Variants in CDKAL1 observed in about 807,000 individuals in gnomAD.
CDKAL1 encodes the protein CDKAL1 threonylcarbamoyladenosine tRNA methylthiotransferase, also known as threonylcarbamoyladenosine tRNA methylthiotransferase.
A neutral mutation model predicts 68.2 loss-of-function variants in CDKAL1; 32 were observed. That is an observed-to-expected ratio of 0.47 (90% CI 0.35 to 0.63). The LOEUF is 0.63. Ranked by LOEUF, CDKAL1 falls within the 30% of genes least tolerant of loss-of-function variation. The pLI, the probability that CDKAL1 is intolerant of heterozygous loss-of-function variation, is 0.00. For synonymous variants in CDKAL1, 234 were observed against 244.3 expected (o/e 0.96, Z 0.39); for missense variants, 606 against 696.7 (o/e 0.87, Z 1.47).
At chr6:20,567,267 A>T (rs574609496) in intron 4 of CDKAL1, among the ~76,000 whole-genome samples, 66 of 151,412 alleles carry the variant, frequency 4.4e-4, no homozygotes, top group African/African-American at 1.5e-3. Context: ...GTATTTCACA[A>T]ACGTCTCTGT....
At chr6:20,609,060 T>C (rs1561962552) in intron 4 of CDKAL1, among the ~76,000 whole-genome samples, 1 of 152,206 alleles carries the variant, frequency 6.6e-6, no homozygotes, top group Non-Finnish European at 1.5e-5. Context: ...TTTATCTGTG[T>C]TACGAATGCT....
intron 8 of CDKAL1, among the ~76,000 whole-genome samples, chr6:20,815,740 C>A (rs1382635253): frequency 6.6e-6 from 1 of 151,990 alleles, no homozygotes; most frequent in East Asian, 1.9e-4. Context: ...AGCTAGTCTA[C>A]CACCCAGAGA....
chr6:21,017,550 C>T (rs1467921617), intron 11 of CDKAL1, among the ~76,000 whole-genome samples: 2 of 152,184 alleles, frequency 1.3e-5, no homozygotes, highest in South Asian at 4.1e-4. Flanking sequence ...TCAGTACATA[C>T]AGCCTGCTAC....
chr6:20,956,143 G>C (rs985352788), intron 10 of CDKAL1, among the ~76,000 whole-genome samples: 2 of 152,190 alleles, frequency 1.3e-5, no homozygotes, highest in African/African-American at 4.8e-5. Flanking sequence ...TATTCCCATT[G>C]TAAGGCCCAT....
At chr6:20,723,057 T>C (rs916117328) in intron 5 of CDKAL1, among the ~76,000 whole-genome samples, 3 of 152,196 alleles carry the variant, frequency 2.0e-5, no homozygotes, top group African/African-American at 7.2e-5. Context: ...ACCCATCAAC[T>C]GCAGGTACCC....
chr6:20,733,830 A>AT (rs1773063604), intron 5 of CDKAL1, among the ~76,000 whole-genome samples: 1 of 152,066 alleles, frequency 6.6e-6, no homozygotes, highest in Non-Finnish European at 1.5e-5. Context: ...ATCTTTAAGT[A>AT]TTTTTTATTA....
chr6:20,666,286 T>TTTC (rs1769539965), intron 5 of CDKAL1, among the ~76,000 whole-genome samples: 1 of 151,814 alleles, frequency 6.6e-6, no homozygotes, highest in Non-Finnish European at 1.5e-5. Context: ...TTTTTTTTTT[T>TTTC]CCCAGTAGGC....
chr6:20,897,337 A>G (rs902461035), intron 9 of CDKAL1, among the ~76,000 whole-genome samples: 2 of 152,150 alleles, frequency 1.3e-5, no homozygotes, highest in African/African-American at 4.8e-5. Flanking sequence ...AGTAGGAATG[A>G]ATTGGGCACG....
At chr6:20,880,713 T>A (rs148958588) in intron 9 of CDKAL1, among the ~76,000 whole-genome samples, 69 of 152,302 alleles carry the variant, frequency 4.5e-4, no homozygotes, top group African/African-American at 1.6e-3. Context: ...ATAATGTGGG[T>A]CTGAGAACAT....
intron 8 of CDKAL1, among the ~76,000 whole-genome samples, chr6:20,840,272 G>C (rs1778122328): frequency 6.6e-6 from 1 of 152,122 alleles, no homozygotes; most frequent in African/African-American, 2.4e-5. Flanking sequence ...ACTATCACTG[G>C]CCACTTCTCC....
At position 21,057,591 on chromosome 6, in the gene CDKAL1, A is replaced by G. The variant is rs531868924; in HGVS notation, c.1056-7457A>G. Among the ~76,000 whole-genome samples, 5 of 151,028 alleles carry G rather than the reference A, an allele frequency of 3.3e-5. No homozygotes were observed. The South Asian group carries it at 1.0e-3, about 32-fold the overall frequency. ...GGGGTTTGTTTGCTCTTGGTTCTCT[A>G]GTTTTTTTAGTTGTGATGTTAAGAT... On this transcript the variant is annotated intron_variant, in intron 11 of 15. Transcript: ENST00000274695.
At chr6:20,710,705 A>C (rs1216826456) in intron 5 of CDKAL1, among the ~76,000 whole-genome samples, 1 of 152,232 alleles carries the variant, frequency 6.6e-6, no homozygotes, top group Non-Finnish European at 1.5e-5. Context: ...TACTTTAAAA[A>C]ATACAGAGTC....
chr6:20,800,654 G>C (rs1375839083), intron 8 of CDKAL1: 1 of 152,196 alleles, frequency 6.6e-6, no homozygotes, highest in East Asian at 1.9e-4. Flanking sequence ...ATAGAGTCCT[G>C]CTCCGTTGCC....
At chr6:21,151,858 G>A (rs528158424) in intron 13 of CDKAL1, among the ~76,000 whole-genome samples, 3 of 152,134 alleles carry the variant, frequency 2.0e-5, no homozygotes, top group East Asian at 3.9e-4. Flanking sequence ...AATGCAGTTC[G>A]TATCTACAGT....
rs541978769 is a variant in CDKAL1 at position 20,948,010 on chromosome 6, C to CTTT, written c.743-7389_743-7387dup. ...TTGACTGTACCTTGAGTGAAGGTCA[C>CTTT]TTTTTTTTTTTTTTTTTTTTTTAAA... On this transcript the variant is annotated intron_variant, in intron 9 of 15. Transcript: ENST00000274695. Among the ~76,000 whole-genome samples, 389 of 115,142 alleles carry CTTT rather than the reference C, an allele frequency of 3.4e-3. 9 individuals are homozygous for CTTT. The South Asian group carries it at 0.038, about 11-fold the overall frequency. 75.5% of individuals were successfully genotyped at this position (115,142 alleles called of 152,430 possible). A position where few individuals can be genotyped will look rare whatever the true frequency, so the allele number is the denominator to read the frequency against.
intron 4 of CDKAL1, among the ~76,000 whole-genome samples, chr6:20,630,433 AG>A (rs1460420957): frequency 1.3e-5 from 2 of 151,922 alleles, no homozygotes; most frequent in African/African-American, 4.8e-5. Flanking sequence ...CTAGAAGGGT[AG>A]GGAGGTAAAA....
intron 5 of CDKAL1, among the ~76,000 whole-genome samples, chr6:20,668,665 A>G (rs554715977): frequency 6.6e-6 from 1 of 152,368 alleles, no homozygotes; most frequent in Admixed American, 6.5e-5. Flanking sequence ...AATATTTTAC[A>G]TAGCCATGAT....
intron 13 of CDKAL1, among the ~76,000 whole-genome samples, chr6:21,175,700 G>A (rs1449485102): frequency 6.6e-6 from 1 of 152,188 alleles, no homozygotes; most frequent in Non-Finnish European, 1.5e-5. Flanking sequence ...CATCTTAGCT[G>A]CATAGTCTGT....
chr6:20,668,919 T>G (rs1769678379), intron 5 of CDKAL1, among the ~76,000 whole-genome samples: 1 of 152,170 alleles, frequency 6.6e-6, no homozygotes, highest in Admixed American at 6.5e-5. Context: ...TCTTCATGGT[T>G]AGATTCAGAT....
Sources: gnomAD v4.1 joint callset for allele counts (sites outside exome capture counted in the v4.1 genomes callset) on GRCh38, gnomAD v4.1.1 for gene constraint, MANE v1.5 for transcripts, NCBI Gene and HGNC (gene_info 2026-07-23, HGNC 2026-07-21) for gene names.